MFSD8: variants seen among roughly 807,000 people sequenced by gnomAD.
MFSD8 encodes the protein major facilitator superfamily domain-containing protein 8.
In MFSD8, 55 loss-of-function variants were observed where a neutral mutation model predicts 66.4. The ratio of observed to expected loss-of-function variants is 0.83; its 90% confidence interval spans 0.67 to 1.04. MFSD8 has a LOEUF of 1.04. MFSD8 is among the 50% of genes least tolerant of loss of function. The probability of loss-of-function intolerance (pLI) is 0.00; values close to 1 mark genes in which losing one functional copy is unlikely to be tolerated. For missense variants in MFSD8, 550 were observed against 627.6 expected (o/e 0.88, Z 1.32); for synonymous variants, 202 against 212.8 (o/e 0.95, Z 0.44).
At position 127,920,374 on chromosome 4, in the gene MFSD8, C is replaced by T. The variant is rs948523555; in HGVS notation, c.*256G>A. The T allele has an allele frequency of 2.1e-5, 10 of 478,374 alleles. No individual in the cohort carries two copies. Among genetic ancestry groups the T allele is most frequent in the Admixed American group, 1.3e-4 (4 of 30,544 alleles). 29.6% of individuals were successfully genotyped at this position (478,374 alleles called of 1,614,324 possible). A position where few individuals can be genotyped will look rare whatever the true frequency, so the allele number is the denominator to read the frequency against. On this transcript the variant is annotated 3_prime_UTR_variant, in exon 12 of 12. Coordinates refer to ENST00000641686, the MANE Select transcript of MFSD8 (RefSeq NM_001371596.2). ...TTGTCCATTCACTCATTAGTTCATG[C>T]AACCACAAAAAGGTATTATAAGAAT...
chr4:127,961,744 C>G (rs923957425), intron 1 of MFSD8, among the ~76,000 whole-genome samples: 2 of 149,888 alleles, frequency 1.3e-5, no homozygotes, highest in African/African-American at 4.9e-5. Context: ...TGGCGTGAAC[C>G]CGGGAGGCGG....
At chr4:127,935,553 C>T (rs967387192) in intron 7 of MFSD8, among the ~76,000 whole-genome samples, 2 of 151,994 alleles carry the variant, frequency 1.3e-5, no homozygotes, top group Admixed American at 6.6e-5. Flanking sequence ...GAAGTTTTTA[C>T]CAGACATATT....
intron 2 of MFSD8, among the ~76,000 whole-genome samples, chr4:127,954,079 C>G (rs1466689474): frequency 6.6e-6 from 1 of 152,140 alleles, no homozygotes; most frequent in Non-Finnish European, 1.5e-5. Context: ...TTTCCTAAAA[C>G]AGTCCTTTAA....
Position 127,921,518 on chromosome 4 carries a change from G to A in MFSD8, c.1350+6C>T, listed in dbSNP as rs909019350. Reference sequence around the variant, plus strand: ...TATAATTGCAATGTCAGGGTACCTGGCTTACCTGAGGTTTTGGTCCTAGAA... The same window carrying A: ...TATAATTGCAATGTCAGGGTACCTGACTTACCTGAGGTTTTGGTCCTAGAA... On this transcript the variant is annotated splice_donor_region_variant and intron_variant, in intron 11 of 11. Transcript: ENST00000641686. 1.2e-6 allele frequency: 2 copies of A among 1,614,104 alleles called. No individual in the cohort carries two copies. The highest frequency in any genetic ancestry group is 1.7e-6 in the Non-Finnish European group (2 of 1,180,036).
chr4:127,950,016 A>T (rs1741682389), intron 2 of MFSD8, among the ~76,000 whole-genome samples, 169 bp from the exon 3 acceptor site: 1 of 152,264 alleles, frequency 6.6e-6, no homozygotes, highest in African/African-American at 2.4e-5. Context: ...AAGAAAAATA[A>T]AGACTAAAAG....
chr4:127,961,660 A>T (rs1256747821), intron 1 of MFSD8, among the ~76,000 whole-genome samples: 1 of 151,724 alleles, frequency 6.6e-6, no homozygotes, highest in African/African-American at 2.4e-5. Flanking sequence ...TAAAAATACA[A>T]AAAAAATTAG....
chr4:127,960,537 T>C (rs1349946165), intron 1 of MFSD8, among the ~76,000 whole-genome samples: 1 of 151,822 alleles, frequency 6.6e-6, no homozygotes, highest in African/African-American at 2.4e-5. Context: ...AAAAAATAAA[T>C]AAATAAATAA....
rs769718165 is a variant in MFSD8 at position 127,938,874 on chromosome 4, A to T, written c.699-36T>A. On this transcript the variant is annotated intron_variant, in intron 6 of 11. Coordinates refer to ENST00000641686, the MANE Select transcript of MFSD8 (RefSeq NM_001371596.2). ...AAAACACAAATATTGTACCTATAAA[A>T]TGCTTAATAGAGAAGTTGTTTAAAT... is the stretch of plus-strand genomic sequence containing the variant. The T allele has an allele frequency of 2.0e-6, 3 of 1,504,058 alleles. No individual in the cohort carries two copies. The East Asian group carries it at 6.8e-5, about 34-fold the overall frequency. 93.2% of individuals were successfully genotyped at this position (1,504,058 alleles called of 1,614,324 possible).
chr4:127,952,977 A>G (rs1273845099), intron 2 of MFSD8, among the ~76,000 whole-genome samples: 1 of 152,138 alleles, frequency 6.6e-6, no homozygotes, highest in Non-Finnish European at 1.5e-5. Context: ...TAAAAACCAG[A>G]AGTGTTTAAA....
rs537799887 is a variant in MFSD8, at chr4:127,921,697, C to T, written c.1177G>A (p.Asp393Asn). ...CAACCAGTTGGTCTTTCATTGTCAT[C>T]TTCCATTGGAGACTTCCAAAGACCA... ...IIGLWKSPME[D>N]DNERPTGCSI... The change falls in exon 11 of 12, where the codon GAT (aspartate) becomes AAT (asparagine). Residue 393 changes from aspartate to asparagine, a missense_variant. Physicochemically the swap from Asp to Asn is conservative, Grantham distance 23. Transcript: ENST00000641686. 2 of 1,614,176 alleles carry T rather than the reference C, an allele frequency of 1.2e-6. No homozygotes were observed. The highest frequency in any genetic ancestry group is 1.7e-6 in the Non-Finnish European group (2 of 1,180,034).
At chr4:127,920,930 C>G in intron 11 of MFSD8, 94 bp from the exon 12 acceptor site, 2 of 1,183,056 alleles carry the variant, frequency 1.7e-6, no homozygotes, top group Non-Finnish European at 2.4e-6. Context: ...AGCAAACTTA[C>G]AAGAATCATT....
At chr4:127,925,895 A>G (rs1223338090) in intron 9 of MFSD8, among the ~76,000 whole-genome samples, 1 of 152,228 alleles carries the variant, frequency 6.6e-6, no homozygotes, top group Non-Finnish European at 1.5e-5. Flanking sequence ...TACACCATGG[A>G]AAACTATGCA....
chr4:127,961,259 C>T (rs1477775910), intron 1 of MFSD8, among the ~76,000 whole-genome samples: 1 of 152,120 alleles, frequency 6.6e-6, no homozygotes, highest in Non-Finnish European at 1.5e-5. Context: ...AAGACATATA[C>T]TTATTATTTT....
chr4:127,957,637 A>T, intron 1 of MFSD8, 45 bp from the exon 2 acceptor site: 1 of 1,306,766 alleles, frequency 7.7e-7, no homozygotes, highest in Non-Finnish European at 1.1e-6. Context: ...ATCTCATTAC[A>T]TGTGGATCTT....
At chr4:127,964,373 C>G (rs948135807) in intron 1 of MFSD8, among the ~76,000 whole-genome samples, 1 of 152,246 alleles carries the variant, frequency 6.6e-6, no homozygotes, top group African/African-American at 2.4e-5. Context: ...AGGTCCCGAG[C>G]CCTGCCCCGC....
chr4:127,922,171 G>A (rs1353822728), intron 9 of MFSD8, among the ~76,000 whole-genome samples: 7 of 152,152 alleles, frequency 4.6e-5, no homozygotes, highest in African/African-American at 7.2e-5. Flanking sequence ...AAAAGTAGAT[G>A]AGCTCAGATC....
chr4:127,939,153 G>T, intron 6 of MFSD8: 1 of 190,594 alleles, frequency 5.2e-6, no homozygotes, highest in Non-Finnish European at 1.1e-5. Context: ...ATTGAATAAA[G>T]CACTCTAAAT....
At chr4:127,947,514 A>T (rs141894484) in intron 3 of MFSD8, among the ~76,000 whole-genome samples, 2 of 148,748 alleles carry the variant, frequency 1.3e-5, no homozygotes, top group East Asian at 4.1e-4. Context: ...TAAGGCAGAG[A>T]TTGCAGCGCA....
intron 4 of MFSD8, among the ~76,000 whole-genome samples, chr4:127,942,668 A>G (rs1740394509): frequency 6.6e-6 from 1 of 151,408 alleles, no homozygotes; most frequent in Non-Finnish European, 1.5e-5. Context: ...CAACAGTGAA[A>G]AAAAAAAAAA....
Sources: gnomAD v4.1 joint callset for allele counts (sites outside exome capture counted in the v4.1 genomes callset) on GRCh38, gnomAD v4.1.1 for gene constraint, MANE v1.5 for transcripts, NCBI Gene and HGNC (gene_info 2026-07-23, HGNC 2026-07-21) for gene names.